PKP4: variants seen among roughly 807,000 people sequenced by gnomAD.
The protein encoded by PKP4 is plakophilin-4.
PKP4 carries 90 observed loss-of-function variants against 145.1 expected under a neutral mutation model. That is an observed-to-expected ratio of 0.62 (90% CI 0.52 to 0.74). The LOEUF (loss-of-function observed/expected upper bound fraction) is 0.74. Among genes scored for constraint, PKP4 ranks in the 30% least tolerant of loss-of-function variants. The pLI is 0.00. For missense variants in PKP4, 1,340 were observed against 1,482.7 expected (o/e 0.90, Z 1.58); for synonymous variants, 563 against 577.2 (o/e 0.98, Z 0.35).
At chr2:158,610,821 C>T (rs867734703) in intron 4 of PKP4, among the ~76,000 whole-genome samples, 9 of 152,152 alleles carry the variant, frequency 5.9e-5, no homozygotes, top group Non-Finnish European at 1.2e-4. Flanking sequence ...AGCCTCCCTC[C>T]GCCCCAGCTC....
chr2:158,484,480 T>A (rs1693880599), intron 1 of PKP4, among the ~76,000 whole-genome samples: 1 of 152,240 alleles, frequency 6.6e-6, no homozygotes, highest in Admixed American at 6.5e-5. Context: ...GTGTTAGAGA[T>A]GTTTATGGTT....
At chr2:158,507,726 C>G (rs1268409179) in intron 1 of PKP4, among the ~76,000 whole-genome samples, 3 of 152,038 alleles carry the variant, frequency 2.0e-5, no homozygotes, top group African/African-American at 7.3e-5. Flanking sequence ...TCACACATTT[C>G]AAAAGAACCA....
intron 2 of PKP4, among the ~76,000 whole-genome samples, chr2:158,547,158 C>T (rs1447269763): frequency 1.3e-5 from 2 of 151,998 alleles, no homozygotes; most frequent in African/African-American, 4.8e-5. Flanking sequence ...ACCCTATGGC[C>T]CAGCAGTTCT....
At chr2:158,604,037 C>T (rs2050445777) in intron 4 of PKP4, among the ~76,000 whole-genome samples, 1 of 152,214 alleles carries the variant, frequency 6.6e-6, no homozygotes, top group Non-Finnish European at 1.5e-5. Context: ...GAGGCAGAAA[C>T]GTGAAAAGCT....
intron 3 of PKP4, among the ~76,000 whole-genome samples, chr2:158,584,283 A>G (rs2048606668): frequency 1.3e-5 from 2 of 152,178 alleles, no homozygotes; most frequent in Admixed American, 6.5e-5. Flanking sequence ...ACGTACACCA[A>G]ATTTAATGGT....
chr2:158,653,342 T>C (rs969409887), intron 11 of PKP4, among the ~76,000 whole-genome samples: 1 of 152,256 alleles, frequency 6.6e-6, no homozygotes, highest in East Asian at 1.9e-4. Context: ...TATAAAATTA[T>C]CAGTTCGCCA....
At chr2:158,533,639 T>C in intron 2 of PKP4, 1 of 382,920 alleles carries the variant, frequency 2.6e-6, no homozygotes, top group South Asian at 2.1e-5. Context: ...TGCTGACTTT[T>C]CTATCAGGAC....
chr2:158,658,157 G>A lies in PKP4; in HGVS notation c.1936G>A (p.Asp646Asn), dbSNP rs138768519. The A allele has an allele frequency of 5.6e-6, 9 of 1,603,682 alleles. No individual in the cohort carries two copies. The African/African-American group carries it at 1.2e-4, about 21-fold the overall frequency. ...TGVLWNLSSC[D>N]AVKMTIIRDA... ...AGTTCTTTGGAATTTATCCTCATGTGATGCTGTAAAAATGACAATCATTCG... is the reference window on the plus strand; with the variant it reads ...AGTTCTTTGGAATTTATCCTCATGTAATGCTGTAAAAATGACAATCATTCG... Residue 646 changes from aspartate (D) to asparagine (N), a missense_variant, in exon 12 of 22, where the codon GAT becomes AAT. Coordinates refer to ENST00000389759, the MANE Select transcript of PKP4 (RefSeq NM_003628.6).
intron 1 of PKP4, among the ~76,000 whole-genome samples, chr2:158,486,468 G>A (rs1019394688): frequency 7.9e-5 from 12 of 152,146 alleles, no homozygotes; most frequent in South Asian, 6.2e-4. Context: ...TTTAAAGGAC[G>A]AAACTTTGAA....
intron 1 of PKP4, among the ~76,000 whole-genome samples, chr2:158,490,644 A>G (rs1025065339): frequency 6.6e-6 from 1 of 152,238 alleles, no homozygotes; most frequent in African/African-American, 2.4e-5. Context: ...TCAGGAGTCA[A>G]TGTGGACAAT....
Position 158,663,292 on chromosome 2 carries a change from C to T in PKP4, c.2424C>T (p.Ile808=), listed in dbSNP as rs1321289038. The stretch of plus-strand genomic sequence containing the variant: ...TTCAGTGGGATGGAGTTGGTCCTAT[C>T]CCAGGACTGTCGAAGTCCCCCAAAG... The part of the protein sequence containing the change: ...QEDQWDGVGP[I]PGLSKSPKGV... Residue 808 remains isoleucine (I), a synonymous_variant, in exon 15 of 22, where the codon ATC becomes ATT. Coordinates refer to ENST00000389759, the MANE Select transcript of PKP4 (RefSeq NM_003628.6). 1 of 1,613,548 alleles carries T rather than the reference C, an allele frequency of 6.2e-7. No individual in the cohort carries two copies. Among genetic ancestry groups the T allele is most frequent in the Non-Finnish European group, 8.5e-7 (1 of 1,179,858 alleles).
At chr2:158,472,197 A>G (rs1252418223) in intron 1 of PKP4, among the ~76,000 whole-genome samples, 3 of 152,232 alleles carry the variant, frequency 2.0e-5, no homozygotes, top group Non-Finnish European at 4.4e-5. Flanking sequence ...TAAGTAATGC[A>G]TTTGTTAATA....
intron 3 of PKP4, among the ~76,000 whole-genome samples, chr2:158,586,251 T>C (rs2048794949): frequency 6.6e-6 from 1 of 152,192 alleles, no homozygotes; most frequent in Non-Finnish European, 1.5e-5. Flanking sequence ...GGGAAAAATA[T>C]CAAGAGCTTT....
Position 158,680,755 on chromosome 2 carries a change from G to C in PKP4, c.*78G>C, listed in dbSNP as rs980367006. ...GGTGAAAAGTCCATCTTGCTGATTT[G>C]ATGATTGAAATGTGAAAGTGAAGTG... On this transcript the variant is annotated 3_prime_UTR_variant, in exon 22 of 22. Transcript: ENST00000389759. The C allele has an allele frequency of 3.9e-6, 5 of 1,284,802 alleles. No individual in the cohort carries two copies. 79.6% of individuals were successfully genotyped at this position (1,284,802 alleles called of 1,614,324 possible).
intron 4 of PKP4, among the ~76,000 whole-genome samples, chr2:158,619,283 T>C (rs897695875): frequency 6.6e-6 from 1 of 152,250 alleles, no homozygotes; most frequent in Non-Finnish European, 1.5e-5. Flanking sequence ...ACTCAGCTCA[T>C]GTTTCAACGT....
intron 2 of PKP4, among the ~76,000 whole-genome samples, chr2:158,568,074 T>C (rs10933493): frequency 0.53 from 80,675 of 152,012 alleles, 21,928 homozygotes; most frequent in East Asian, 0.79. Context: ...GTGGCTCACA[T>C]CTGTAATCCC....
intron 1 of PKP4, among the ~76,000 whole-genome samples, chr2:158,500,994 G>T (rs963843047): frequency 6.6e-6 from 1 of 152,138 alleles, no homozygotes; most frequent in Non-Finnish European, 1.5e-5. Context: ...TTTGAGGCCT[G>T]AGAAACCCAG....
At chr2:158,551,500 A>G (rs142828898) in intron 2 of PKP4, among the ~76,000 whole-genome samples, 46 of 152,290 alleles carry the variant, frequency 3.0e-4, no homozygotes, top group African/African-American at 1.0e-3. Flanking sequence ...CCCTTCCTCA[A>G]CCTAAAGACT....
chr2:158,508,839 A>G (rs1361338566), intron 1 of PKP4, among the ~76,000 whole-genome samples: 2 of 152,184 alleles, frequency 1.3e-5, no homozygotes, highest in Non-Finnish European at 2.9e-5. Context: ...CCTTAATTGT[A>G]GAGAGGTTCT....
Sources: gnomAD v4.1 joint callset for allele counts (sites outside exome capture counted in the v4.1 genomes callset) on GRCh38, gnomAD v4.1.1 for gene constraint, MANE v1.5 for transcripts, NCBI Gene and HGNC (gene_info 2026-07-23, HGNC 2026-07-21) for gene names.